AKT2: variants seen among roughly 807,000 people sequenced by gnomAD.
AKT2 encodes RAC-beta serine/threonine-protein kinase.
In AKT2, 16 loss-of-function variants were observed where a neutral mutation model predicts 58.6. The observed-to-expected ratio is 0.27, with a 90% CI of 0.18 to 0.41. AKT2 has a LOEUF of 0.41. AKT2 is among the 10% of genes least tolerant of loss of function. The pLI, the probability that AKT2 is intolerant of heterozygous loss-of-function variation, is 1.00. For synonymous variants in AKT2, 253 were observed against 254.0 expected (o/e 1.00, Z 0.04); for missense variants, 438 against 661.0 (o/e 0.66, Z 3.70).
Position 40,240,130 on chromosome 19 carries a change from G to A in AKT2, c.574-20C>T. 1.2e-6 allele frequency: 2 copies of A among 1,613,748 alleles called. No homozygotes were observed. Among genetic ancestry groups the A allele is most frequent in the Non-Finnish European group, 1.7e-6 (2 of 1,179,858 alleles). ...TTCATCCTGCAGACAGACTGCGGGT[G>A]AGGGGCTGGTGGGCAACACCACACC... On this transcript the variant is annotated intron_variant, in intron 6 of 13. Coordinates refer to ENST00000392038, the MANE Select transcript of AKT2 (RefSeq NM_001626.6).
At chr19:40,251,825 A>C (rs918993396) in intron 4 of AKT2, among the ~76,000 whole-genome samples, 2 of 152,216 alleles carry the variant, frequency 1.3e-5, no homozygotes, top group African/African-American at 2.4e-5. Context: ...TATTCTTAGG[A>C]GATGCCTGCT....
At chr19:40,253,031 A>G (rs1301185566) in intron 4 of AKT2, among the ~76,000 whole-genome samples, 1 of 152,160 alleles carries the variant, frequency 6.6e-6, no homozygotes, top group Non-Finnish European at 1.5e-5. Context: ...GTCTCATGAT[A>G]TTGTGGGTTC....
At chr19:40,259,878 C>T (rs1975811396) in intron 2 of AKT2, among the ~76,000 whole-genome samples, 2 of 152,206 alleles carry the variant, frequency 1.3e-5, no homozygotes, top group Admixed American at 6.5e-5. Flanking sequence ...GAAGGCCGGG[C>T]GCGGTAGCTC....
In AKT2 at chr19:40,232,814, T is replaced by C; in HGVS notation, c.*1058A>G. The C allele has an allele frequency of 4.3e-6, 1 of 234,992 alleles. No individual in the cohort carries two copies. The highest frequency in any genetic ancestry group is 6.0e-5 in the East Asian group (1 of 16,670). The allele number at this position is 234,992 out of a possible 1,614,324, so 14.6% of individuals were successfully genotyped here. ...GAGTCCCACAGCACTGACATGGACG[T>C]GCACTCATGTTCAACCTTAAGGCTG... On this transcript the variant is annotated 3_prime_UTR_variant, in exon 14 of 14. Transcript: ENST00000392038.
At chr19:40,236,417 T>C (rs375539548) in intron 9 of AKT2, 32 bp from the exon 10 acceptor site, 35 of 1,613,708 alleles carry the variant, frequency 2.2e-5, no homozygotes, top group Non-Finnish European at 2.6e-5. Flanking sequence ...CTCAGGTGCA[T>C]GCTCCCAAGG....
Position 40,283,615 on chromosome 19 carries a change from G to A in AKT2, c.-85+1566C>T, listed in dbSNP as rs1400536018. ...CTGGGAACTCCAGACCCAGAGCAAA[G>A]GCTACAGGGCAAGCCAAGGTCATGA... On this transcript the variant is annotated intron_variant, in intron 1 of 13. Transcript: ENST00000392038. Among the ~76,000 whole-genome samples, 3 of 152,190 alleles carry A rather than the reference G, an allele frequency of 2.0e-5. No individual in the cohort carries two copies. In the South Asian group the frequency reaches 6.2e-4, roughly 31 times the overall value.
At chr19:40,241,647 C>T (rs990260074) in intron 6 of AKT2, 9 of 464,636 alleles carry the variant, frequency 1.9e-5, no homozygotes, top group South Asian at 8.3e-5. Flanking sequence ...ACAGCGACGT[C>T]CTCCCCAACA....
chr19:40,263,737 G>C (rs1046561148), intron 2 of AKT2, among the ~76,000 whole-genome samples: 1 of 152,170 alleles, frequency 6.6e-6, no homozygotes, highest in Admixed American at 6.5e-5. Context: ...CTCCCTGTCT[G>C]CGTCTGCAGG....
intron 1 of AKT2, chr19:40,269,189 A>C (rs1345732181): frequency 6.6e-6 from 1 of 152,216 alleles, no homozygotes; most frequent in East Asian, 1.9e-4. Flanking sequence ...AGACTCGCCT[A>C]TGGAACCCCC....
At chr19:40,270,778 T>G (rs1208607479) in intron 1 of AKT2, 1 of 152,130 alleles carries the variant, frequency 6.6e-6, no homozygotes, top group African/African-American at 2.4e-5. Flanking sequence ...TTTGGAAGGC[T>G]GAGGCAAGAG....
At chr19:40,239,746 G>C in intron 7 of AKT2, 1 of 600,342 alleles carries the variant, frequency 1.7e-6, no homozygotes, top group Admixed American at 2.5e-5. Flanking sequence ...TCAACCAGCT[G>C]GGCTAAGTGC....
intron 7 of AKT2, chr19:40,239,439 G>A (rs137910493): frequency 3.8e-6 from 1 of 265,106 alleles, no homozygotes; most frequent in East Asian, 1.0e-4. Context: ...CTCCCACCAG[G>A]GGGTCCTTCA....
intron 4 of AKT2, among the ~76,000 whole-genome samples, chr19:40,247,907 T>C (rs1309189064): frequency 6.6e-6 from 1 of 151,932 alleles, no homozygotes; most frequent in Non-Finnish European, 1.5e-5. Flanking sequence ...CCCATCGGTA[T>C]TTTCTGGAAC....
intron 4 of AKT2, among the ~76,000 whole-genome samples, chr19:40,250,497 C>G (rs1262968267): frequency 1.4e-5 from 2 of 147,738 alleles, no homozygotes; most frequent in Non-Finnish European, 3.0e-5. Flanking sequence ...GAGTGAAACT[C>G]TGTCTAAAAA....
At chr19:40,253,464 A>AG (rs397824824) in intron 4 of AKT2, among the ~76,000 whole-genome samples, 180 of 151,932 alleles carry the variant, frequency 1.2e-3, no homozygotes, top group Non-Finnish European at 1.9e-3. Flanking sequence ...AAAAATAGAC[A>AG]ATATAGACAC....
chr19:40,275,009 C>G (rs1198622937), intron 1 of AKT2: 1 of 454,112 alleles, frequency 2.2e-6, no homozygotes, highest in African/African-American at 2.0e-5. Flanking sequence ...TGGGCACTGG[C>G]CTGATGGGCT....
intron 2 of AKT2, among the ~76,000 whole-genome samples, chr19:40,261,625 C>T (rs992497073): frequency 7.2e-5 from 11 of 151,866 alleles, no homozygotes; most frequent in African/African-American, 2.7e-4. Flanking sequence ...AAGATGCCAA[C>T]CCTGAATCTC....
chr19:40,242,623 C>A lies in AKT2; in HGVS notation c.352G>T (p.Asp118Tyr). ...NSLKQRAPGEDPMDYKCGSPS... is the reference protein window; with the variant it reads ...NSLKQRAPGEYPMDYKCGSPS... Reference sequence around the variant, plus strand: ...GAGCCACACTTGTAGTCCATGGGGTCCTCGCCTGGGGCCCGCTGCTTGAGG... The same window carrying A: ...GAGCCACACTTGTAGTCCATGGGGTACTCGCCTGGGGCCCGCTGCTTGAGG... The change falls in exon 5 of 14, where the codon GAC becomes TAC. Residue 118 changes from aspartate to tyrosine, a missense_variant. Around this residue, in one of 3 missense-constraint regions of AKT2, gnomAD observed 244 missense variants for 347.1 expected, o/e 0.70. Transcript: ENST00000392038. The surrounding 1 kb of genome is among the most constrained non-coding windows in gnomAD (Gnocchi z 4.3). 6.2e-7 allele frequency: 1 copy of A among 1,613,694 alleles called. No homozygotes were observed. Among genetic ancestry groups the A allele is most frequent in the Non-Finnish European group, 8.5e-7 (1 of 1,180,010 alleles).
chr19:40,251,543 G>A (rs1975153349), intron 4 of AKT2, among the ~76,000 whole-genome samples: 1 of 151,874 alleles, frequency 6.6e-6, no homozygotes, highest in Admixed American at 6.6e-5. Context: ...AACTAGCCTG[G>A]CTTGTCAAAA....
Sources: gnomAD v4.1 joint callset for allele counts (sites outside exome capture counted in the v4.1 genomes callset) on GRCh38, gnomAD v4.1.1 for gene constraint, gnomAD v4.1.1 regional missense constraint, Gnocchi (gnomAD v3.1) non-coding constraint, MANE v1.5 for transcripts, NCBI Gene and HGNC (gene_info 2026-07-23, HGNC 2026-07-21) for gene names.